STAG1: variants seen among roughly 807,000 people sequenced by gnomAD.
STAG1 encodes cohesin subunit SA-1.
In STAG1, 26 loss-of-function variants were observed where a neutral mutation model predicts 170.9. That is an observed-to-expected ratio of 0.15 (90% confidence interval 0.11 to 0.21). STAG1 has a LOEUF of 0.21. Ranked by LOEUF, STAG1 falls within the 10% of genes least tolerant of loss-of-function variation. The probability of loss-of-function intolerance (pLI) is 1.00; values close to 1 mark genes in which losing one functional copy is unlikely to be tolerated. For missense variants in STAG1, 964 were observed against 1,509.5 expected (o/e 0.64, Z 5.99); for synonymous variants, 514 against 497.7 (o/e 1.03, Z -0.44).
Position 136,663,596 on chromosome 3 carries a change from T to C in STAG1, c.-83-32615A>G, listed in dbSNP as rs187990480. Among the ~76,000 whole-genome samples, 8 of 152,246 alleles carry C rather than the reference T, an allele frequency of 5.3e-5. No homozygotes were observed. The East Asian group carries it at 7.7e-4, about 15-fold the overall frequency. On this transcript the variant is annotated intron_variant, in intron 1 of 33. Transcript: ENST00000383202. ...ATAAGCATGGCTCCTCATGTAGATA[T>C]AGCAAAAATAAACTCTTAGAAAAAC...
At chr3:136,681,942 C>CT (rs1942350610) in intron 1 of STAG1, among the ~76,000 whole-genome samples, 1 of 152,050 alleles carries the variant, frequency 6.6e-6, no homozygotes, top group Non-Finnish European at 1.5e-5. Flanking sequence ...AGATAAAAAT[C>CT]TTTTCCTCTA....
At chr3:136,629,336 G>A (rs753396818) in intron 2 of STAG1, among the ~76,000 whole-genome samples, 7 of 152,082 alleles carry the variant, frequency 4.6e-5, no homozygotes, top group Admixed American at 1.3e-4. Flanking sequence ...GTACTTTTCT[G>A]GAGGCATAAG....
intron 9 of STAG1, among the ~76,000 whole-genome samples, chr3:136,495,995 T>C (rs1321669685): frequency 9.0e-6 from 1 of 110,968 alleles, no homozygotes; most frequent in Non-Finnish European, 1.9e-5. Flanking sequence ...AAAAAAAAAA[T>C]TAGCTGGGCG....
In STAG1 at chr3:136,465,345, G is replaced by A. The variant is rs1221447304; in HGVS notation, c.1206-357C>T. 6.7e-5 allele frequency among the ~76,000 whole-genome samples: 10 copies of A among 150,066 alleles called. No individual in the cohort carries two copies. The East Asian group carries it at 1.8e-3, about 27-fold the overall frequency. On this transcript the variant is annotated intron_variant, in intron 12 of 33. Coordinates refer to ENST00000383202, the MANE Select transcript of STAG1 (RefSeq NM_005862.3). ...ACTGATTCTCCTGCCTCAGCCTCCT[G>A]AGTAGCTGAGATTACAGGTGCCCAA...
chr3:136,521,821 A>G (rs1934693579), intron 6 of STAG1, among the ~76,000 whole-genome samples: 1 of 152,240 alleles, frequency 6.6e-6, no homozygotes, highest in African/African-American at 2.4e-5. Flanking sequence ...ACATCTTTCA[A>G]TATTTTAAAT....
intron 1 of STAG1, among the ~76,000 whole-genome samples, chr3:136,716,220 G>A (rs894767432): frequency 1.3e-5 from 2 of 152,124 alleles, no homozygotes; most frequent in Admixed American, 1.3e-4. Context: ...ACTTTGGGAG[G>A]CTGAGATGGG....
intron 1 of STAG1, among the ~76,000 whole-genome samples, chr3:136,655,150 T>C (rs1941334340): frequency 6.6e-6 from 1 of 152,134 alleles, no homozygotes; most frequent in South Asian, 2.1e-4. Context: ...TTCACAAAAA[T>C]TTTAAAACTT....
At chr3:136,503,496 T>TCA (rs1212623687) in intron 7 of STAG1, among the ~76,000 whole-genome samples, 3 of 152,212 alleles carry the variant, frequency 2.0e-5, no homozygotes, top group African/African-American at 7.2e-5. Context: ...TTCTGTCTGT[T>TCA]CATATTTGTT....
chr3:136,383,933 C>G (rs1938118426), intron 22 of STAG1, among the ~76,000 whole-genome samples: 1 of 117,690 alleles, frequency 8.5e-6, no homozygotes, highest in African/African-American at 3.3e-5. Flanking sequence ...CCAGCCTGGG[C>G]AACAGTGCAA....
At chr3:136,509,761 G>A (rs1326575528) in intron 7 of STAG1, among the ~76,000 whole-genome samples, 1 of 152,170 alleles carries the variant, frequency 6.6e-6, no homozygotes, top group Non-Finnish European at 1.5e-5. Context: ...GAAGGACACT[G>A]ACCCTTTTAA....
chr3:136,370,666 C>T (rs1283803013), intron 23 of STAG1, among the ~76,000 whole-genome samples: 1 of 152,158 alleles, frequency 6.6e-6, no homozygotes, highest in African/African-American at 2.4e-5. Flanking sequence ...CAGCTTCATC[C>T]ATGTCCCTAC....
At chr3:136,541,584 A>T (rs961685470) in intron 6 of STAG1, among the ~76,000 whole-genome samples, 2 of 148,870 alleles carry the variant, frequency 1.3e-5, no homozygotes, top group African/African-American at 5.0e-5. Flanking sequence ...ACACACACAC[A>T]CCAGGGGTTT....
chr3:136,692,702 C>T (rs1942766748), intron 1 of STAG1, among the ~76,000 whole-genome samples: 1 of 151,756 alleles, frequency 6.6e-6, no homozygotes, highest in South Asian at 2.1e-4. Context: ...GTGTTCTAAA[C>T]AAATCTCTAC....
intron 1 of STAG1, among the ~76,000 whole-genome samples, chr3:136,713,878 C>A (rs1943451683): frequency 6.6e-6 from 1 of 152,022 alleles, no homozygotes; most frequent in South Asian, 2.1e-4. Context: ...CAAAAATTAG[C>A]TGGGCATGGT....
chr3:136,751,126 T>C (rs1935204017), intron 1 of STAG1, among the ~76,000 whole-genome samples: 2 of 151,978 alleles, frequency 1.3e-5, no homozygotes, highest in South Asian at 4.1e-4. Flanking sequence ...CTATCCATCT[T>C]AACACCAACT....
intron 1 of STAG1, among the ~76,000 whole-genome samples, chr3:136,687,452 T>C (rs1942568488): frequency 6.6e-6 from 1 of 152,158 alleles, no homozygotes; most frequent in Non-Finnish European, 1.5e-5. Flanking sequence ...TTAAAGTCTT[T>C]TGTGTAGACT....
chr3:136,441,205 G>A (rs750894660), intron 15 of STAG1, among the ~76,000 whole-genome samples: 4 of 151,898 alleles, frequency 2.6e-5, no homozygotes, highest in Non-Finnish European at 5.9e-5. Flanking sequence ...GCTAATTTTT[G>A]TATTTTTAGT....
At chr3:136,374,977 TATA>T (rs1305085969) in intron 23 of STAG1, among the ~76,000 whole-genome samples, 1 of 152,166 alleles carries the variant, frequency 6.6e-6, no homozygotes, top group Non-Finnish European at 1.5e-5. Context: ...CCAGTTGTAT[TATA>T]ATTATCTATA....
chr3:136,651,988 C>T (rs1231979012), intron 1 of STAG1, among the ~76,000 whole-genome samples: 1 of 152,054 alleles, frequency 6.6e-6, no homozygotes, highest in Non-Finnish European at 1.5e-5. Flanking sequence ...ATAAGTGTGC[C>T]CTTGGTTCAA....
Sources: allele counts gnomAD v4.1 joint callset (sites outside exome capture counted in the v4.1 genomes callset), GRCh38; gene constraint gnomAD v4.1.1; transcripts MANE v1.5; gene names NCBI Gene and HGNC (gene_info 2026-07-23, HGNC 2026-07-21).